The following CRISP2 variants were observed in gnomAD, a reference collection of about 807,000 sequenced individuals.
CRISP2 encodes the protein cysteine-rich secretory protein 2.
A neutral mutation model predicts 31.7 loss-of-function variants in CRISP2; 29 were observed. The ratio of observed to expected loss-of-function variants is 0.92; its 90% CI spans 0.68 to 1.25. The LOEUF (loss-of-function observed/expected upper bound fraction) is 1.25, where lower values mean the gene tolerates loss of function less well. CRISP2 is among the 50% of genes most tolerant of loss of function. The probability of loss-of-function intolerance (pLI) is 0.00; values close to 1 mark genes in which losing one functional copy is unlikely to be tolerated. For missense variants in CRISP2, 318 were observed against 286.5 expected (o/e 1.11, Z -0.79); for synonymous variants, 111 against 101.4 (o/e 1.09, Z -0.57).
chr6:49,680,636 CT>C, the CRISP2 span, among the ~76,000 whole-genome samples: 1 of 152,166 alleles, frequency 6.6e-6, no homozygotes. Context: ...ATAAGCATTC[CT>C]TTTCTCCACA....
intron 7 of CRISP2, 59 bp from the exon 8 acceptor site, chr6:49,698,016 TA>T (rs1451330209): frequency 2.3e-6 from 3 of 1,323,246 alleles, no homozygotes; most frequent in Non-Finnish European, 1.0e-6. Context: ...GAAAAATATT[TA>T]AAAAAGTAGC....
At chr6:49,687,121 G>A in the CRISP2 span, among the ~76,000 whole-genome samples, 1 of 152,094 alleles carries the variant, frequency 6.6e-6, no homozygotes, top group Non-Finnish European at 1.5e-5. Flanking sequence ...GGTAATGGGT[G>A]CAGCACACCA....
intron 8 of CRISP2, among the ~76,000 whole-genome samples, chr6:49,696,856 G>A (rs1764850107): frequency 4.6e-5 from 7 of 152,004 alleles, no homozygotes. Context: ...AGATATAAAA[G>A]GATTTTAAAA....
chr6:49,696,595 A>G (rs558210479), intron 8 of CRISP2, among the ~76,000 whole-genome samples: 23 of 151,682 alleles, frequency 1.5e-4, no homozygotes, highest in African/African-American at 4.8e-4. Flanking sequence ...AGTAAAAAAA[A>G]AAAAAAGAAA....
intron 3 of CRISP2, among the ~76,000 whole-genome samples, chr6:49,710,746 G>A (rs200159373): frequency 1.2e-4 from 18 of 152,066 alleles, no homozygotes; most frequent in East Asian, 9.6e-4. Context: ...GTGTGTGTGC[G>A]TAATATTGCT....
chr6:49,711,072 G>C (rs1767925181), intron 3 of CRISP2, among the ~76,000 whole-genome samples: 1 of 152,138 alleles, frequency 6.6e-6, no homozygotes. Context: ...TTGAGCCTAG[G>C]AGTTTGAGGC....
intron 5 of CRISP2, 143 bp downstream of exon 5, chr6:49,700,525 C>T: frequency 1.6e-6 from 1 of 621,734 alleles, no homozygotes; most frequent in Non-Finnish European, 2.9e-6. Flanking sequence ...GAATACAATC[C>T]TCTCCATATA....
chr6:49,694,836 C>A (rs34029456), intron 9 of CRISP2, among the ~76,000 whole-genome samples: 29,825 of 150,644 alleles, frequency 0.2, 3,691 homozygotes, highest in Middle Eastern at 0.28. Context: ...TGGGTTCAAG[C>A]GATTCTCCTG....
the CRISP2 span, among the ~76,000 whole-genome samples, chr6:49,681,631 T>C: frequency 2.0e-5 from 3 of 152,180 alleles, no homozygotes; most frequent in Admixed American, 6.6e-5. Context: ...AAAAATTATA[T>C]TTTACTGTTT....
chr6:49,690,631 G>T (rs1458798672), downstream of CRISP2, among the ~76,000 whole-genome samples: 3 of 151,988 alleles, frequency 2.0e-5, no homozygotes, highest in Admixed American at 6.6e-5. Flanking sequence ...TTTTGGAAAA[G>T]ATTCAGCAAA....
the CRISP2 span, among the ~76,000 whole-genome samples, chr6:49,679,986 G>T: frequency 6.6e-6 from 1 of 152,294 alleles, no homozygotes; most frequent in South Asian, 2.1e-4. Flanking sequence ...GATTACAGGT[G>T]TGAGCCACTG....
chr6:49,711,128 G>C (rs952931669), intron 3 of CRISP2, among the ~76,000 whole-genome samples, 157 bp downstream of exon 3: 1 of 151,858 alleles, frequency 6.6e-6, no homozygotes, highest in African/African-American at 2.4e-5. Flanking sequence ...CTGGGTGACA[G>C]AAAGAGACCC....
chr6:49,705,084 T>C (rs563671660), intron 4 of CRISP2, among the ~76,000 whole-genome samples: 158 of 152,192 alleles, frequency 1.0e-3, no homozygotes, highest in Non-Finnish European at 1.7e-3. Flanking sequence ...AGAGTTTATG[T>C]CTTTTGTCTT....
At chr6:49,697,407 G>GTGTGTGTGT (rs970345647) in intron 8 of CRISP2, among the ~76,000 whole-genome samples, 4 of 151,046 alleles carry the variant, frequency 2.6e-5, no homozygotes, top group African/African-American at 9.8e-5. Flanking sequence ...TGTGTGTGGT[G>GTGTGTGTGT]GTGTGTGTGT....
rs1336838878 is a variant in CRISP2 at position 49,702,540 on chromosome 6, G to GC, written c.67-1757dup. Among the ~76,000 whole-genome samples, 6 of 151,920 alleles carry GC rather than the reference G, an allele frequency of 3.9e-5. No homozygotes were observed. The East Asian group carries it at 1.2e-3, about 29-fold the overall frequency. On this transcript the variant is annotated intron_variant, in intron 4 of 9. Coordinates refer to ENST00000339139, the MANE Select transcript of CRISP2 (RefSeq NM_003296.4). ...GTTAGCCTCATTGTGGTTTCGATTT[G>GC]CATTTCCCTGATAATTAATAATGTT...
At chr6:49,701,864 TTA>T (rs1227597358) in intron 4 of CRISP2, among the ~76,000 whole-genome samples, 1 of 103,290 alleles carries the variant, frequency 9.7e-6, no homozygotes, top group Non-Finnish European at 1.8e-5. Flanking sequence ...ATATATATTA[TTA>T]TATATTATGT....
intron 3 of CRISP2, among the ~76,000 whole-genome samples, chr6:49,710,811 T>C (rs531133781): frequency 2.0e-5 from 3 of 152,264 alleles, no homozygotes; most frequent in Middle Eastern, 3.4e-3. Context: ...TCATTCTCAA[T>C]ACAAATTTAT....
At chr6:49,678,269 T>A in the CRISP2 span, among the ~76,000 whole-genome samples, 1 of 152,170 alleles carries the variant, frequency 6.6e-6, no homozygotes, top group Admixed American at 6.6e-5. Flanking sequence ...TTACTCCAAA[T>A]AGCTTATATA....
At chr6:49,712,245 A>T (rs1353730063) in intron 2 of CRISP2, among the ~76,000 whole-genome samples, 1 of 152,170 alleles carries the variant, frequency 6.6e-6, no homozygotes, top group East Asian at 1.9e-4. Flanking sequence ...CACCCAGTGT[A>T]TGCATCTGAT....
Sources: allele counts gnomAD v4.1 joint callset (sites outside exome capture counted in the v4.1 genomes callset), GRCh38; gene constraint gnomAD v4.1.1; transcripts MANE v1.5; gene names NCBI Gene and HGNC (gene_info 2026-07-23, HGNC 2026-07-21).